The following ANO2 variants were observed in gnomAD, a reference collection of about 807,000 sequenced individuals.
ANO2 encodes the protein anoctamin-2.
ANO2 carries 101 observed loss-of-function variants against 124.2 expected under a neutral mutation model. That is an observed-to-expected ratio of 0.81 (90% confidence interval 0.69 to 0.96). The LOEUF (loss-of-function observed/expected upper bound fraction) is 0.96, where lower values mean the gene tolerates loss of function less well. Among genes scored for constraint, ANO2 ranks in the 40% least tolerant of loss-of-function variants. The pLI, the probability that ANO2 is intolerant of heterozygous loss-of-function variation, is 0.00. For missense variants in ANO2, 1,293 were observed against 1,274.5 expected, an observed-to-expected ratio of 1.01 and a Z score of -0.22; for synonymous variants, 486 against 482.5, an observed-to-expected ratio of 1.01 and a Z score of -0.09.
At chr12:5,874,949 G>T (rs1299174213) in intron 3 of ANO2, among the ~76,000 whole-genome samples, 5 of 152,146 alleles carry the variant, frequency 3.3e-5, no homozygotes, top group Admixed American at 3.3e-4. Context: ...ATAAGTGTAG[G>T]TGAATTCTGG....
intron 10 of ANO2, among the ~76,000 whole-genome samples, chr12:5,763,560 C>T (rs1315154387): frequency 6.6e-6 from 1 of 152,018 alleles, no homozygotes; most frequent in Non-Finnish European, 1.5e-5. Context: ...TGGAAACAAT[C>T]CCTAAATATT....
chr12:5,852,291 A>G (rs1379349131), intron 4 of ANO2, among the ~76,000 whole-genome samples: 3 of 152,178 alleles, frequency 2.0e-5, no homozygotes, highest in Non-Finnish European at 2.9e-5. Flanking sequence ...ACTAGGAGAC[A>G]AAAAACGCAG....
chr12:5,668,104 T>C (rs549823284), intron 14 of ANO2, among the ~76,000 whole-genome samples: 1 of 152,368 alleles, frequency 6.6e-6, no homozygotes. Flanking sequence ...GTATTTCTGG[T>C]TCTAGATCTT....
At chr12:5,860,011 C>G (rs962193639) in intron 3 of ANO2, among the ~76,000 whole-genome samples, 1 of 152,164 alleles carries the variant, frequency 6.6e-6, no homozygotes, top group East Asian at 1.9e-4. Context: ...CTAAAGTTAA[C>G]TCAACAGCAA....
chr12:5,830,327 A>G (rs530832158), intron 6 of ANO2, 108 bp downstream of exon 6: 11 of 1,187,362 alleles, frequency 9.3e-6, no homozygotes, highest in South Asian at 2.9e-5. Context: ...GGCAACTCCA[A>G]GCAAATAACG....
intron 2 of ANO2, among the ~76,000 whole-genome samples, chr12:5,921,814 C>T (rs1035088862): frequency 2.0e-5 from 3 of 152,148 alleles, no homozygotes; most frequent in South Asian, 2.1e-4. Context: ...CCTGTGTACA[C>T]GCGTATCTAC....
intron 1 of ANO2, among the ~76,000 whole-genome samples, chr12:5,943,043 G>GA (rs1942955134): frequency 6.6e-6 from 1 of 152,128 alleles, no homozygotes; most frequent in Admixed American, 6.5e-5. Flanking sequence ...AACCACTATA[G>GA]AAAAACAGTA....
chr12:5,834,175 A>G (rs1015068574), intron 4 of ANO2, among the ~76,000 whole-genome samples: 1 of 152,214 alleles, frequency 6.6e-6, no homozygotes, highest in African/African-American at 2.4e-5. Flanking sequence ...AAGTTCCTGA[A>G]CAAAAAATCA....
intron 14 of ANO2, among the ~76,000 whole-genome samples, chr12:5,659,655 T>C (rs1291122078): frequency 3.9e-5 from 6 of 152,230 alleles, no homozygotes; most frequent in Non-Finnish European, 8.8e-5. Context: ...TTGGTTTTCC[T>C]AGCAGACACA....
chr12:5,664,315 C>G (rs1947593778), intron 14 of ANO2, among the ~76,000 whole-genome samples: 1 of 152,024 alleles, frequency 6.6e-6, no homozygotes, highest in Admixed American at 6.6e-5. Context: ...ATCTATCTAC[C>G]CATCTTTCCA....
At chr12:5,844,420 C>A (rs531335883) in intron 4 of ANO2, among the ~76,000 whole-genome samples, 2 of 152,158 alleles carry the variant, frequency 1.3e-5, no homozygotes, top group African/African-American at 4.8e-5. Context: ...GACAGACGTA[C>A]GACACTTTTA....
At chr12:5,782,943 T>C (rs1378200621) in intron 10 of ANO2, among the ~76,000 whole-genome samples, 1 of 152,194 alleles carries the variant, frequency 6.6e-6, no homozygotes, top group Non-Finnish European at 1.5e-5. Context: ...TCTGTGTATC[T>C]TCCCTACTGC....
chr12:5,868,804 G>A (rs1463534192), intron 3 of ANO2, among the ~76,000 whole-genome samples: 2 of 152,210 alleles, frequency 1.3e-5, no homozygotes, highest in Non-Finnish European at 2.9e-5. Context: ...AAGAGAAGGG[G>A]TCATCAGCCC....
chr12:5,791,049 G>A (rs904853508), intron 10 of ANO2, among the ~76,000 whole-genome samples: 3 of 151,986 alleles, frequency 2.0e-5, no homozygotes, highest in Non-Finnish European at 2.9e-5. Flanking sequence ...CACTCTCACT[G>A]GGAAGCAAAA....
chr12:5,751,308 T>C (rs1951432499), intron 10 of ANO2, among the ~76,000 whole-genome samples: 1 of 152,150 alleles, frequency 6.6e-6, no homozygotes, highest in Admixed American at 6.5e-5. Context: ...GAATAACACA[T>C]CATCATTTCA....
intron 3 of ANO2, among the ~76,000 whole-genome samples, chr12:5,919,011 T>C (rs934554249): frequency 2.6e-5 from 4 of 152,158 alleles, no homozygotes; most frequent in Admixed American, 1.3e-4. Flanking sequence ...CCAGAGTCTG[T>C]CCTGGGTGCT....
intron 19 of ANO2, among the ~76,000 whole-genome samples, chr12:5,604,000 T>C (rs567682484): frequency 6.7e-6 from 1 of 148,926 alleles, no homozygotes; most frequent in South Asian, 2.1e-4. Context: ...AAAGGTAGTG[T>C]AGGCTCATGG....
At chr12:5,690,022 C>T (rs1307595637) in intron 14 of ANO2, among the ~76,000 whole-genome samples, 3 of 152,154 alleles carry the variant, frequency 2.0e-5, no homozygotes, top group African/African-American at 7.2e-5. Context: ...CTTGCAGAAA[C>T]TGGCTCTCCA....
At chr12:5,642,639 CT>C (rs1197319667) in intron 15 of ANO2, among the ~76,000 whole-genome samples, 1 of 152,162 alleles carries the variant, frequency 6.6e-6, no homozygotes, top group African/African-American at 2.4e-5. Flanking sequence ...CAGAATGATC[CT>C]TTTGAAATGT....
Sources: allele counts gnomAD v4.1 joint callset (sites outside exome capture counted in the v4.1 genomes callset), GRCh38; gene constraint gnomAD v4.1.1; transcripts MANE v1.5; gene names NCBI Gene and HGNC (gene_info 2026-07-23, HGNC 2026-07-21).